LDLRAD3: variants seen among roughly 807,000 people sequenced by gnomAD.
LDLRAD3 encodes low-density lipoprotein receptor class A domain-containing protein 3.
In LDLRAD3, 20 loss-of-function variants were observed where a neutral mutation model predicts 29.4. That is an observed-to-expected ratio of 0.68 (90% CI 0.48 to 0.99). LDLRAD3 has a LOEUF of 0.99. Ranked by LOEUF, LDLRAD3 falls within the 50% of genes least tolerant of loss-of-function variation. The pLI is 0.00. For synonymous variants in LDLRAD3, 157 were observed against 192.7 expected (o/e 0.81, Z 1.53); for missense variants, 420 against 454.3 (o/e 0.92, Z 0.69).
At chr11:36,011,888 G>A (rs965311222) in intron 1 of LDLRAD3, among the ~76,000 whole-genome samples, 11 of 152,178 alleles carry the variant, frequency 7.2e-5, no homozygotes, top group East Asian at 1.9e-4. Context: ...CAGGCATCAC[G>A]TCTAAGGGAA....
chr11:36,125,393 T>G (rs1853821391), intron 4 of LDLRAD3, among the ~76,000 whole-genome samples: 1 of 152,222 alleles, frequency 6.6e-6, no homozygotes, highest in Non-Finnish European at 1.5e-5. Context: ...ATAGGAATAA[T>G]GATATTGTTG....
At chr11:36,166,049 C>T (rs1165451856) in intron 4 of LDLRAD3, among the ~76,000 whole-genome samples, 29 of 146,872 alleles carry the variant, frequency 2.0e-4, no homozygotes, top group African/African-American at 7.3e-4. Context: ...TCCTAGACAG[C>T]TTAGGTGAAG....
At chr11:36,022,920 G>C (rs564941504) in intron 1 of LDLRAD3, among the ~76,000 whole-genome samples, 1 of 152,286 alleles carries the variant, frequency 6.6e-6, no homozygotes, top group Admixed American at 6.5e-5. Flanking sequence ...GCATACTAAA[G>C]TGGGGACTCC....
At chr11:36,020,601 C>T (rs917591392) in intron 1 of LDLRAD3, among the ~76,000 whole-genome samples, 1 of 151,978 alleles carries the variant, frequency 6.6e-6, no homozygotes, top group Non-Finnish European at 1.5e-5. Context: ...CATGAGTTGT[C>T]GGGGGAAGAA....
intron 1 of LDLRAD3, among the ~76,000 whole-genome samples, chr11:36,022,816 T>G (rs1852114405): frequency 6.6e-6 from 1 of 152,222 alleles, no homozygotes. Context: ...CTACACAGTT[T>G]CAGCCCTTTA....
At chr11:36,145,194 G>T (rs1192430741) in intron 4 of LDLRAD3, among the ~76,000 whole-genome samples, 1 of 112,550 alleles carries the variant, frequency 8.9e-6, no homozygotes, top group Non-Finnish European at 1.9e-5. Flanking sequence ...TGCCCCGTCC[G>T]GGAGGGAGGT....
At chr11:36,189,926 G>A (rs1413317217) in intron 4 of LDLRAD3, among the ~76,000 whole-genome samples, 1 of 152,104 alleles carries the variant, frequency 6.6e-6, no homozygotes, top group Admixed American at 6.6e-5. Context: ...TTTTATGGCT[G>A]CATAGTATTC....
chr11:36,169,578 A>G (rs562650153), intron 4 of LDLRAD3, among the ~76,000 whole-genome samples: 1 of 152,320 alleles, frequency 6.6e-6, no homozygotes, highest in African/African-American at 2.4e-5. Flanking sequence ...TATTTCACTT[A>G]ACCTAATGTC....
At chr11:36,159,539 A>C (rs894811383) in intron 4 of LDLRAD3, among the ~76,000 whole-genome samples, 2 of 141,738 alleles carry the variant, frequency 1.4e-5, no homozygotes, top group African/African-American at 5.3e-5. Context: ...CAGAAGGATC[A>C]CTTGAGGCCA....
At chr11:36,204,382 A>G (rs1855174489) in intron 4 of LDLRAD3, among the ~76,000 whole-genome samples, 2 of 152,212 alleles carry the variant, frequency 1.3e-5, no homozygotes, top group African/African-American at 2.4e-5. Flanking sequence ...CCAGTGGCCA[A>G]ACAGTTCCAG....
chr11:36,015,977 A>T (rs1852017655), intron 1 of LDLRAD3, among the ~76,000 whole-genome samples: 1 of 152,226 alleles, frequency 6.6e-6, no homozygotes, highest in African/African-American at 2.4e-5. Flanking sequence ...TAGCATGGAA[A>T]TAGGAGTCCA....
intron 2 of LDLRAD3, among the ~76,000 whole-genome samples, chr11:36,077,339 G>A (rs187063488): frequency 6.6e-6 from 1 of 152,106 alleles, no homozygotes; most frequent in East Asian, 1.9e-4. Flanking sequence ...GTACTGTTAC[G>A]GGATCTTTGG....
intron 4 of LDLRAD3, among the ~76,000 whole-genome samples, chr11:36,112,877 T>G (rs1371252276): frequency 6.6e-6 from 1 of 152,222 alleles, no homozygotes; most frequent in Admixed American, 6.5e-5. Flanking sequence ...GCCCAGTATC[T>G]CTGCCTTTTC....
intron 2 of LDLRAD3, among the ~76,000 whole-genome samples, chr11:36,045,809 AATTTT>A (rs1852441996): frequency 6.6e-6 from 1 of 151,218 alleles, no homozygotes; most frequent in African/African-American, 2.4e-5. Flanking sequence ...GTTCTTTTTA[AATTTT>A]ATTTTAAGTT....
rs749209889 is a variant in LDLRAD3, at chr11:36,079,606, C to G, written c.194-2047C>G. Among the ~76,000 whole-genome samples the G allele has an allele frequency of 2.6e-4, 40 of 152,208 alleles. No homozygotes were observed. In the Middle Eastern group the frequency reaches 0.01, roughly 39 times the overall value. On this transcript the variant is annotated intron_variant, in intron 2 of 5. Transcript: ENST00000315571. ...CGAGACAGTCATAGGTAAAGAAAGG[C>G]AGATTTGTTAGCGAAAGTACAAAAA...
chr11:35,964,807 G>C (rs1397272302), intron 1 of LDLRAD3, among the ~76,000 whole-genome samples: 1 of 152,054 alleles, frequency 6.6e-6, no homozygotes, highest in Non-Finnish European at 1.5e-5. Flanking sequence ...GGGCAACATG[G>C]TGAAACCCTG....
At chr11:36,040,016 GTCTTGCT>G in intron 2 of LDLRAD3, among the ~76,000 whole-genome samples, 1 of 152,134 alleles carries the variant, frequency 6.6e-6, no homozygotes, top group South Asian at 2.1e-4. Context: ...CTGGTTCTGT[GTCTTGCT>G]TATGAGCTAC....
At chr11:36,064,473 TAATTA>T (rs1852758249) in intron 2 of LDLRAD3, among the ~76,000 whole-genome samples, 1 of 141,976 alleles carries the variant, frequency 7.0e-6, no homozygotes, top group Non-Finnish European at 1.5e-5. Context: ...CACACCTGGC[TAATTA>T]ATTTTTTTTT....
At chr11:36,014,900 G>A (rs536050648) in intron 1 of LDLRAD3, among the ~76,000 whole-genome samples, 67 of 152,286 alleles carry the variant, frequency 4.4e-4, no homozygotes, top group Middle Eastern at 3.4e-3. Context: ...AACAAAAGAA[G>A]GGGGGAGCCC....
Sources: gnomAD v4.1 joint callset for allele counts (sites outside exome capture counted in the v4.1 genomes callset) on GRCh38, gnomAD v4.1.1 for gene constraint, MANE v1.5 for transcripts, NCBI Gene and HGNC (gene_info 2026-07-23, HGNC 2026-07-21) for gene names.